Variants in ZNF613 observed in about 807,000 individuals in gnomAD.
ZNF613 encodes the protein zinc finger protein 613.
A neutral mutation model predicts 14.3 loss-of-function variants in ZNF613; 8 were observed. That is an observed-to-expected ratio of 0.56 (90% confidence interval 0.33 to 1.01). The LOEUF is 1.01. Ranked by LOEUF, ZNF613 falls within the 50% of genes least tolerant of loss-of-function variation. The pLI is 0.03. For missense variants in ZNF613, 656 were observed against 741.9 expected (o/e 0.88, Z 1.35); for synonymous variants, 228 against 254.5 (o/e 0.90, Z 0.99).
At chr19:51,932,904 C>T (rs1238779863) in intron 2 of ZNF613, among the ~76,000 whole-genome samples, 1 of 152,020 alleles carries the variant, frequency 6.6e-6, no homozygotes, top group African/African-American at 2.4e-5. Flanking sequence ...AAGAGTTTAT[C>T]TTGAGCTCAA....
chr19:51,939,577 G>A (rs6509601), intron 3 of ZNF613, among the ~76,000 whole-genome samples: 6,476 of 152,022 alleles, frequency 0.043, 382 homozygotes, highest in African/African-American at 0.14. Flanking sequence ...TGATCCGCCC[G>A]CCTAGGCCTC....
intron 3 of ZNF613, 131 bp downstream of exon 3, chr19:51,936,366 G>A (rs1012234594): frequency 2.1e-6 from 2 of 931,676 alleles, no homozygotes; most frequent in South Asian, 1.9e-5. Flanking sequence ...AATTTAGATT[G>A]TAATTTCAAC....
chr19:51,940,432 A>C (rs1017747944), intron 4 of ZNF613, 97 bp downstream of exon 4: 1 of 1,598,496 alleles, frequency 6.3e-7, no homozygotes, highest in Admixed American at 1.7e-5. Context: ...GGTGCTCTGA[A>C]GTGGTAGATT....
Position 51,940,666 on chromosome 19 carries a change from G to A in ZNF613, c.192G>A (p.Glu64=). The part of the protein sequence containing the change: ...PDALFKLEQG[E]PWTVENEIHS... ...CACTCTTCAAGTTGGAACAAGGAGAGCCATGGACAGTAGAAAATGAAATCC... is the reference window on the plus strand; with the variant it reads ...CACTCTTCAAGTTGGAACAAGGAGAACCATGGACAGTAGAAAATGAAATCC... The change falls in exon 5 of 6, where the codon GAG becomes GAA. Residue 64 remains glutamate (E), a synonymous_variant. Transcript: ENST00000293471. The A allele has an allele frequency of 6.2e-7, 1 of 1,613,588 alleles. No homozygotes were observed. Among genetic ancestry groups the A allele is most frequent in the Non-Finnish European group, 8.5e-7 (1 of 1,179,702 alleles).
chr19:51,945,605 G>C lies in ZNF613; in HGVS notation c.1722G>C (p.Leu574=), dbSNP rs1568468476. The C allele has an allele frequency of 6.2e-7, 1 of 1,614,156 alleles. No homozygotes were observed. Among genetic ancestry groups the C allele is most frequent in the Non-Finnish European group, 8.5e-7 (1 of 1,180,024 alleles). ...QDKDSVNMVT[L]QMPSVAAQTS... is the part of the protein sequence containing the mutation. Reference sequence around the variant, plus strand: ...AAGACTCTGTTAACATGGTGACTCTGCAGATGCCTTCTGTGGCAGCTCAGA... The same window carrying C: ...AAGACTCTGTTAACATGGTGACTCTCCAGATGCCTTCTGTGGCAGCTCAGA... The change falls in exon 6 of 6, where the codon CTG becomes CTC. Residue 574 remains leucine, a synonymous_variant. Coordinates refer to ENST00000293471, the MANE Select transcript of ZNF613 (RefSeq NM_001031721.4).
intron 2 of ZNF613, among the ~76,000 whole-genome samples, chr19:51,934,309 G>A (rs921249954): frequency 1.6e-4 from 25 of 151,952 alleles, no homozygotes; most frequent in South Asian, 4.1e-4. Flanking sequence ...TTCCTCCACA[G>A]TATATATGCT....
chr19:51,934,872 T>C (rs559447193), intron 2 of ZNF613, among the ~76,000 whole-genome samples: 21 of 152,316 alleles, frequency 1.4e-4, no homozygotes, highest in African/African-American at 4.8e-4. Flanking sequence ...CCCAGGAATG[T>C]TAGATCATTT....
At chr19:51,942,703 T>C (rs2085360161) in intron 5 of ZNF613, 1 of 109,850 alleles carries the variant, frequency 9.1e-6, no homozygotes, top group East Asian at 2.1e-4. Flanking sequence ...TGACTTGATT[T>C]TTTTTTTTTT....
chr19:51,934,189 G>T (rs1033984871), intron 2 of ZNF613, among the ~76,000 whole-genome samples: 5 of 151,998 alleles, frequency 3.3e-5, no homozygotes, highest in African/African-American at 7.2e-5. Flanking sequence ...TTTGTTTTTT[G>T]ATTGTTTTTA....
chr19:51,928,535 G>A (rs960790952), intron 1 of ZNF613, among the ~76,000 whole-genome samples: 2 of 152,142 alleles, frequency 1.3e-5, no homozygotes, highest in Non-Finnish European at 2.9e-5. Context: ...AAATAGGAAA[G>A]CTTTGGGGAA....
Position 51,945,311 on chromosome 19 carries a change from A to G in ZNF613, c.1428A>G (p.Arg476=). 3 of 1,614,100 alleles carry G rather than the reference A, an allele frequency of 1.9e-6. No individual in the cohort carries two copies. The highest frequency in any genetic ancestry group is 2.5e-6 in the Non-Finnish European group (3 of 1,180,008). ...SHKSGLINHQ[R]IHTGEKPYTC... is the part of the protein sequence containing the mutation. The stretch of plus-strand genomic sequence containing the variant: ...AGTCAGGTCTCATTAACCACCAGAG[A>G]ATTCACACAGGAGAGAAACCCTATA... The change falls in exon 6 of 6, where the codon AGA becomes AGG. Residue 476 remains arginine, a synonymous_variant. Transcript: ENST00000293471.
At chr19:51,936,543 C>T (rs1442524436) in intron 3 of ZNF613, among the ~76,000 whole-genome samples, 1 of 152,128 alleles carries the variant, frequency 6.6e-6, no homozygotes, top group Admixed American at 6.5e-5. Flanking sequence ...GGCTGGAGTG[C>T]AGTGGTGCAA....
At chr19:51,931,869 G>C (rs759015045) in intron 2 of ZNF613, among the ~76,000 whole-genome samples, 1 of 151,900 alleles carries the variant, frequency 6.6e-6, no homozygotes, top group Admixed American at 6.6e-5. Flanking sequence ...CATGATTCCT[G>C]GTAGACTGAA....
intron 5 of ZNF613, among the ~76,000 whole-genome samples, chr19:51,941,519 CT>C (rs1482419350): frequency 3.3e-5 from 5 of 152,048 alleles, no homozygotes; most frequent in African/African-American, 1.2e-4. Flanking sequence ...CCTTAGTAAC[CT>C]GGTCTGTTGC....
At chr19:51,928,728 G>A (rs536368305) in intron 1 of ZNF613, among the ~76,000 whole-genome samples, 34 of 151,822 alleles carry the variant, frequency 2.2e-4, no homozygotes, top group African/African-American at 7.0e-4. Flanking sequence ...GGTAACACAC[G>A]CCTGTAGTCT....
Position 51,945,838 on chromosome 19 carries a change from A to T in ZNF613, c.*101A>T, listed in dbSNP as rs1474105025. On this transcript the variant is annotated 3_prime_UTR_variant, in exon 6 of 6. Coordinates refer to ENST00000293471, the MANE Select transcript of ZNF613 (RefSeq NM_001031721.4). ...AACAAACTGATATATTCAAGGTGGA[A>T]AGCCCTTGAATAAAACCTTATGGCT... 4 of 1,333,196 alleles carry T rather than the reference A, an allele frequency of 3.0e-6. No individual in the cohort carries two copies. Among genetic ancestry groups the T allele is most frequent in the Admixed American group, 4.0e-5 (2 of 50,506 alleles). The allele number at this position is 1,333,196 out of a possible 1,614,324, so 82.6% of individuals were successfully genotyped here.
At chr19:51,936,330 G>T in intron 3 of ZNF613, 95 bp downstream of exon 3, 1 of 1,292,008 alleles carries the variant, frequency 7.7e-7, no homozygotes, top group Non-Finnish European at 1.1e-6. Flanking sequence ...AGTATAATTT[G>T]GTAAACTAGG....
At chr19:51,928,049 TA>T (rs59597156) in intron 1 of ZNF613, 31,792 of 141,264 alleles carry the variant, frequency 0.23, 3,375 homozygotes, top group South Asian at 0.28. Flanking sequence ...CTGTCTAATC[TA>T]ATCTATCTAT....
At chr19:51,931,703 A>G (rs917876151) in intron 2 of ZNF613, among the ~76,000 whole-genome samples, 44 of 152,290 alleles carry the variant, frequency 2.9e-4, no homozygotes, top group East Asian at 1.5e-3. Flanking sequence ...CAACAGTGCA[A>G]TCGTTCTTAG....
Sources: allele counts gnomAD v4.1 joint callset (sites outside exome capture counted in the v4.1 genomes callset), GRCh38; gene constraint gnomAD v4.1.1; transcripts MANE v1.5; gene names NCBI Gene and HGNC (gene_info 2026-07-23, HGNC 2026-07-21).